The following BCAS1 variants were observed in gnomAD, a reference collection of about 807,000 sequenced individuals.
The protein encoded by BCAS1 is breast carcinoma-amplified sequence 1.
Under a neutral mutation model 65.4 loss-of-function variants are expected in BCAS1, and 46 were observed. That is an observed-to-expected ratio of 0.70 (90% CI 0.55 to 0.90). The LOEUF (loss-of-function observed/expected upper bound fraction) is 0.90, where lower values mean the gene tolerates loss of function less well. Among genes scored for constraint, BCAS1 ranks in the 40% least tolerant of loss-of-function variants. The pLI, the probability that BCAS1 is intolerant of heterozygous loss-of-function variation, is 0.00. For synonymous variants in BCAS1, 298 were observed against 293.5 expected (o/e 1.02, Z -0.16); for missense variants, 793 against 771.2 (o/e 1.03, Z -0.33).
chr20:53,958,826 C>A (rs775740076), intron 10 of BCAS1, among the ~76,000 whole-genome samples: 1 of 152,146 alleles, frequency 6.6e-6, no homozygotes, highest in Non-Finnish European at 1.5e-5. Context: ...CACCATGGAA[C>A]TAGCAGGTTT....
intron 10 of BCAS1, among the ~76,000 whole-genome samples, chr20:53,962,628 C>G (rs1374369540): frequency 6.6e-6 from 1 of 151,916 alleles, no homozygotes; most frequent in African/African-American, 2.4e-5. Context: ...TTCAAATATT[C>G]AATTTCTTGA....
chr20:54,020,279 A>T (rs2091528898), intron 4 of BCAS1, among the ~76,000 whole-genome samples: 1 of 152,194 alleles, frequency 6.6e-6, no homozygotes, highest in Admixed American at 6.5e-5. Context: ...GGCGAGTCAG[A>T]TGGGACAATA....
chr20:53,977,109 A>T (rs1480840305), intron 8 of BCAS1, among the ~76,000 whole-genome samples: 1 of 151,826 alleles, frequency 6.6e-6, no homozygotes, highest in Non-Finnish European at 1.5e-5. Context: ...GAGCGAAGGG[A>T]GAAGAGCCCC....
chr20:54,059,659 A>G (rs2092352540), intron 1 of BCAS1, among the ~76,000 whole-genome samples: 1 of 152,236 alleles, frequency 6.6e-6, no homozygotes, highest in African/African-American at 2.4e-5. Context: ...CATCATAGAT[A>G]GTATAGCCTA....
chr20:54,044,239 CAT>C (rs1198402446), intron 3 of BCAS1, among the ~76,000 whole-genome samples: 1 of 152,022 alleles, frequency 6.6e-6, no homozygotes, highest in East Asian at 1.9e-4. Flanking sequence ...ATGTTTTTTT[CAT>C]GTTGTCTCTT....
At chr20:53,996,276 C>T (rs1208829603) in intron 4 of BCAS1, among the ~76,000 whole-genome samples, 2 of 152,006 alleles carry the variant, frequency 1.3e-5, no homozygotes, top group Non-Finnish European at 2.9e-5. Context: ...TTGTTTGGAG[C>T]CAAAGGGTAA....
chr20:53,960,355 T>C (rs599086), intron 10 of BCAS1, among the ~76,000 whole-genome samples: 6,784 of 151,278 alleles, frequency 0.045, 426 homozygotes, highest in African/African-American at 0.14. Context: ...TGGAGAAGAA[T>C]TGGGATTGAA....
intron 8 of BCAS1, 82 bp downstream of exon 8, chr20:53,985,205 G>A: frequency 7.4e-7 from 1 of 1,342,658 alleles, no homozygotes; most frequent in Non-Finnish European, 1.1e-6. Flanking sequence ...ACATTGTTGA[G>A]TACAACAGTT....
intron 3 of BCAS1, among the ~76,000 whole-genome samples, chr20:54,042,943 G>A (rs937884273): frequency 1.3e-5 from 2 of 152,208 alleles, no homozygotes; most frequent in Non-Finnish European, 2.9e-5. Flanking sequence ...CTTGCTGAGA[G>A]TGTCATGGCC....
intron 3 of BCAS1, among the ~76,000 whole-genome samples, chr20:54,054,666 C>T (rs1157895170): frequency 2.0e-5 from 3 of 152,174 alleles, no homozygotes; most frequent in African/African-American, 7.2e-5. Context: ...TTTACAAACT[C>T]TCCAGCAGTA....
At chr20:53,961,646 C>T (rs893145000) in intron 10 of BCAS1, among the ~76,000 whole-genome samples, 3 of 152,194 alleles carry the variant, frequency 2.0e-5, no homozygotes, top group Admixed American at 2.0e-4. Flanking sequence ...GAACACATTA[C>T]TAAAGAAATC....
At chr20:53,951,197 G>A (rs2089510591) in intron 12 of BCAS1, among the ~76,000 whole-genome samples, 1 of 152,188 alleles carries the variant, frequency 6.6e-6, no homozygotes, top group South Asian at 2.1e-4. Flanking sequence ...CTAAGACCAG[G>A]CATGGTGGCT....
At chr20:54,026,755 G>A (rs901410459) in intron 4 of BCAS1, among the ~76,000 whole-genome samples, 6 of 152,130 alleles carry the variant, frequency 3.9e-5, no homozygotes, top group South Asian at 2.1e-4. Context: ...CTAGTTTACC[G>A]CCTCTGGGCA....
chr20:53,991,381 G>A (rs1300235364), intron 7 of BCAS1, among the ~76,000 whole-genome samples: 3 of 152,120 alleles, frequency 2.0e-5, no homozygotes, highest in Non-Finnish European at 2.9e-5. Context: ...GTCTGCTTAC[G>A]CAAATACAGA....
chr20:53,967,157 C>T (rs1490166805), intron 9 of BCAS1, 84 bp from the exon 10 acceptor site: 1 of 1,428,278 alleles, frequency 7.0e-7, no homozygotes, highest in African/African-American at 1.4e-5. Context: ...TCCTTGTTGC[C>T]CCCCTGTCCA....
intron 11 of BCAS1, among the ~76,000 whole-genome samples, chr20:53,956,368 C>G (rs911799711): frequency 1.3e-5 from 2 of 152,180 alleles, no homozygotes; most frequent in East Asian, 1.9e-4. Flanking sequence ...GGAACCAAAC[C>G]CTGCTGATTT....
chr20:53,989,613 C>A (rs184288890), intron 7 of BCAS1, among the ~76,000 whole-genome samples: 3 of 152,240 alleles, frequency 2.0e-5, no homozygotes, highest in Non-Finnish European at 2.9e-5. Flanking sequence ...TTGTAGAATA[C>A]CAGTCAGAAC....
chr20:53,962,481 T>C (rs2145590902), intron 10 of BCAS1, among the ~76,000 whole-genome samples: 1 of 152,300 alleles, frequency 6.6e-6, no homozygotes, highest in South Asian at 2.1e-4. Context: ...CATTTTCAAG[T>C]GTAAGGTGTT....
chr20:53,972,635 A>T (rs900766867), intron 9 of BCAS1, among the ~76,000 whole-genome samples: 2 of 152,054 alleles, frequency 1.3e-5, no homozygotes, highest in South Asian at 2.1e-4. Flanking sequence ...TTCTTTTTAA[A>T]TTTTTTTTCA....
Sources: allele counts gnomAD v4.1 joint callset (sites outside exome capture counted in the v4.1 genomes callset), GRCh38; gene constraint gnomAD v4.1.1; transcripts MANE v1.5; gene names NCBI Gene and HGNC (gene_info 2026-07-23, HGNC 2026-07-21).